Variants in PARD3 observed in about 807,000 individuals in gnomAD.
PARD3 encodes par-3 family cell polarity regulator, also known as partitioning defective 3 homolog.
PARD3 carries 75 observed loss-of-function variants against 155.4 expected under a neutral mutation model. The ratio of observed to expected loss-of-function variants is 0.48; its 90% CI spans 0.40 to 0.58. The LOEUF is 0.58. PARD3 is among the 20% of genes least tolerant of loss of function. The probability of loss-of-function intolerance (pLI) is 0.00; values close to 1 mark genes in which losing one functional copy is unlikely to be tolerated. For synonymous variants in PARD3, 576 were observed against 610.5 expected, an observed-to-expected ratio of 0.94 and a Z score of 0.83; for missense variants, 1,642 against 1,721.7, an observed-to-expected ratio of 0.95 and a Z score of 0.82.
intron 2 of PARD3, among the ~76,000 whole-genome samples, chr10:34,558,079 A>G (rs918560172): frequency 4.6e-5 from 7 of 151,968 alleles, no homozygotes; most frequent in African/African-American, 1.7e-4. Flanking sequence ...TGTGCTAAGT[A>G]TGGCTCCCCA....
intron 2 of PARD3, among the ~76,000 whole-genome samples, chr10:34,643,239 T>G (rs566281877): frequency 6.6e-6 from 1 of 152,354 alleles, no homozygotes; most frequent in African/African-American, 2.4e-5. Flanking sequence ...CCTCGTCTTG[T>G]GTCTAACTCT....
At chr10:34,668,034 A>G (rs1027164244) in intron 2 of PARD3, among the ~76,000 whole-genome samples, 52 of 152,186 alleles carry the variant, frequency 3.4e-4, no homozygotes, top group Admixed American at 3.1e-3. Flanking sequence ...GTGAGGATGG[A>G]TACGGATTGT....
intron 15 of PARD3, chr10:34,345,216 T>G: frequency 1.0e-6 from 1 of 984,176 alleles, no homozygotes; most frequent in Non-Finnish European, 1.2e-6. Context: ...AATGGGAAAG[T>G]GTGACTGATG....
rs551811478 is a variant in PARD3, at chr10:34,602,060, T to G, written c.223-84901A>C. Among the ~76,000 whole-genome samples the G allele has an allele frequency of 5.3e-5, 8 of 152,334 alleles. No homozygotes were observed. In the South Asian group the frequency reaches 1.5e-3, roughly 28 times the overall value. ...AAATTATAAAAAAAAGAAGTGTACT[T>G]TGTCGAACTATAAGCAACAAAGATA... On this transcript the variant is annotated intron_variant, in intron 2 of 24. Coordinates refer to ENST00000374788, the MANE Select transcript of PARD3 (RefSeq NM_001184785.2).
intron 22 of PARD3, among the ~76,000 whole-genome samples, chr10:34,209,827 C>T (rs1951654006): frequency 6.6e-6 from 1 of 152,126 alleles, no homozygotes; most frequent in African/African-American, 2.4e-5. Context: ...TTATCATTAA[C>T]ATTATTATTT....
intron 2 of PARD3, among the ~76,000 whole-genome samples, chr10:34,683,743 T>C (rs370292896): frequency 6.6e-6 from 1 of 152,028 alleles, no homozygotes; most frequent in Non-Finnish European, 1.5e-5. Context: ...CCAAAGCTCC[T>C]ACTGCTCGTG....
intron 5 of PARD3, among the ~76,000 whole-genome samples, chr10:34,424,079 T>G (rs903371544): frequency 2.6e-5 from 4 of 152,220 alleles, no homozygotes; most frequent in African/African-American, 9.6e-5. Context: ...TATTTGCAAG[T>G]GTTGTTATTG....
At chr10:34,531,219 A>AT (rs931344782) in intron 2 of PARD3, among the ~76,000 whole-genome samples, 12 of 152,108 alleles carry the variant, frequency 7.9e-5, no homozygotes, top group Admixed American at 6.6e-4. Flanking sequence ...TTTTGCTGGC[A>AT]TTTTTTCCAG....
chr10:34,256,842 T>C (rs1954680483), intron 22 of PARD3, among the ~76,000 whole-genome samples: 1 of 152,336 alleles, frequency 6.6e-6, no homozygotes, highest in Non-Finnish European at 1.5e-5. Context: ...AAATGCATAT[T>C]CAAAATAGTT....
At chr10:34,185,450 T>C (rs935695345) in intron 22 of PARD3, among the ~76,000 whole-genome samples, 4 of 152,196 alleles carry the variant, frequency 2.6e-5, no homozygotes, top group African/African-American at 9.6e-5. Flanking sequence ...TAAATTAGTC[T>C]TCATGTATAT....
rs142422595 is a variant in PARD3, at chr10:34,239,055, A to G, written c.3419+30602T>C. Among the ~76,000 whole-genome samples, 475 of 152,368 alleles carry G rather than the reference A, an allele frequency of 3.1e-3. 2 individuals carry two copies. Among genetic ancestry groups the G allele is most frequent in the African/African-American group, 0.011 (437 of 41,582 alleles). ...ATACAGATGGGTATTTTAAGAAAAT[A>G]ATCTAAAATAAGAGAAACAGTTCAC... On this transcript the variant is annotated intron_variant, in intron 22 of 24. Coordinates refer to ENST00000374788, the MANE Select transcript of PARD3 (RefSeq NM_001184785.2).
chr10:34,355,772 C>CA (rs1325374492), intron 14 of PARD3, among the ~76,000 whole-genome samples: 2 of 151,502 alleles, frequency 1.3e-5, no homozygotes, highest in Non-Finnish European at 2.9e-5. Context: ...ACCAAAAATA[C>CA]AAAAAATTAG....
At chr10:34,673,849 G>C (rs140916558) in intron 2 of PARD3, among the ~76,000 whole-genome samples, 494 of 152,188 alleles carry the variant, frequency 3.2e-3, no homozygotes, top group Non-Finnish European at 5.1e-3. Context: ...AAATTAGCCA[G>C]GCATAGTGAA....
chr10:34,229,934 C>T (rs955564453), intron 22 of PARD3, among the ~76,000 whole-genome samples: 2 of 152,098 alleles, frequency 1.3e-5, no homozygotes, highest in African/African-American at 4.8e-5. Flanking sequence ...AACTATTCAT[C>T]TAGCTTTTGT....
chr10:34,408,228 G>A (rs1261789728), intron 5 of PARD3, among the ~76,000 whole-genome samples: 2 of 150,358 alleles, frequency 1.3e-5, no homozygotes, highest in African/African-American at 2.5e-5. Flanking sequence ...AAAAAAAAAT[G>A]AAAATTCTCA....
chr10:34,357,439 G>A (rs1839003579), intron 14 of PARD3, among the ~76,000 whole-genome samples: 1 of 152,166 alleles, frequency 6.6e-6, no homozygotes, highest in Non-Finnish European at 1.5e-5. Flanking sequence ...AATGAAAACT[G>A]TCCTGTGTAA....
intron 14 of PARD3, among the ~76,000 whole-genome samples, chr10:34,353,298 AAG>A (rs780137468): frequency 1.0e-3 from 157 of 152,324 alleles, no homozygotes; most frequent in Non-Finnish European, 1.6e-3. Context: ...GGGGAAAAGA[AAG>A]AGAGATCAGA....
chr10:34,361,384 A>G (rs1019949324), intron 12 of PARD3, among the ~76,000 whole-genome samples: 24 of 152,248 alleles, frequency 1.6e-4, no homozygotes, highest in African/African-American at 4.6e-4. Context: ...AAGAATAAGA[A>G]ATACAGTGGT....
At chr10:34,724,535 TA>T (rs2094665933) in intron 1 of PARD3, among the ~76,000 whole-genome samples, 1 of 152,196 alleles carries the variant, frequency 6.6e-6, no homozygotes, top group Non-Finnish European at 1.5e-5. Context: ...CCCAATCAAG[TA>T]TTTAAAATAA....
Sources: allele counts gnomAD v4.1 joint callset (sites outside exome capture counted in the v4.1 genomes callset), GRCh38; gene constraint gnomAD v4.1.1; transcripts MANE v1.5; gene names NCBI Gene and HGNC (gene_info 2026-07-23, HGNC 2026-07-21).